Variants in ZMYND8 observed in about 807,000 individuals in gnomAD.
The protein encoded by ZMYND8 is MYND-type zinc finger-containing chromatin reader ZMYND8.
Under a neutral mutation model 140.8 loss-of-function variants are expected in ZMYND8, and 37 were observed. The observed-to-expected ratio is 0.26, with a 90% CI of 0.20 to 0.35. ZMYND8 has a LOEUF of 0.35. ZMYND8 is among the 10% of genes least tolerant of loss of function. ZMYND8 has a pLI of 1.00. For synonymous variants in ZMYND8, 592 were observed against 597.1 expected (o/e 0.99, Z 0.12); for missense variants, 1,068 against 1,570.0 (o/e 0.68, Z 5.40).
intron 2 of ZMYND8, among the ~76,000 whole-genome samples, chr20:47,326,256 C>A (rs865942706): frequency 6.6e-6 from 1 of 152,182 alleles, no homozygotes; most frequent in Non-Finnish European, 1.5e-5. Flanking sequence ...CCACATCCAG[C>A]CCACCAGCTA....
Position 47,229,711 on chromosome 20 carries a change from T to C in ZMYND8, c.2937+15A>G. 1 of 1,609,908 alleles carries C rather than the reference T, an allele frequency of 6.2e-7. No homozygotes were observed. The highest frequency in any genetic ancestry group is 8.5e-7 in the Non-Finnish European group (1 of 1,176,920). On this transcript the variant is annotated intron_variant, in intron 17 of 22. Transcript: ENST00000471951. ...ACACTCTTAGCAAATAAGAAATTCA[T>C]GTGTCATCTCTGACCTCAGCTATTG...
intron 2 of ZMYND8, among the ~76,000 whole-genome samples, chr20:47,310,629 T>A (rs2078849743): frequency 6.7e-6 from 1 of 149,678 alleles, no homozygotes; most frequent in African/African-American, 2.5e-5. Flanking sequence ...CTACTAAGAG[T>A]ACAAAAATTA....
chr20:47,276,582 G>A lies in ZMYND8; in HGVS notation c.1212C>T (p.Pro404=). The change falls in exon 11 of 23, where the codon CCC becomes CCT. Residue 404 remains proline, a synonymous_variant. Transcript: ENST00000471951. ...QYQMLLDPTN[P]SAGTAKIDKQ... ...TGTCTATCTTGGCAGTGCCGGCGCT[G>A]GGGTTGGTGGGATCGAGCAGCATTT... The A allele has an allele frequency of 6.2e-7, 1 of 1,613,942 alleles. No individual in the cohort carries two copies. Among genetic ancestry groups the A allele is most frequent in the Non-Finnish European group, 8.5e-7 (1 of 1,180,026 alleles).
chr20:47,219,397 G>A (rs920503297), intron 21 of ZMYND8, among the ~76,000 whole-genome samples: 7 of 151,414 alleles, frequency 4.6e-5, no homozygotes, highest in Admixed American at 2.6e-4. Context: ...ATGGTGGTGC[G>A]TCCCTGTAGT....
intron 16 of ZMYND8, among the ~76,000 whole-genome samples, chr20:47,230,332 C>A (rs2038291996): frequency 6.6e-6 from 1 of 151,382 alleles, no homozygotes; most frequent in Non-Finnish European, 1.5e-5. Context: ...CACTCTGTTG[C>A]CCAGACTGGA....
At chr20:47,278,189 C>A (rs2076374935) in intron 10 of ZMYND8, among the ~76,000 whole-genome samples, 1 of 152,074 alleles carries the variant, frequency 6.6e-6, no homozygotes, top group Admixed American at 6.6e-5. Flanking sequence ...CGCTACATTA[C>A]CCAGGATGGT....
Position 47,210,667 on chromosome 20 carries a change from A to C in ZMYND8, c.*94T>G. The C allele has an allele frequency of 1.2e-6, 2 of 1,606,590 alleles. No homozygotes were observed. Among genetic ancestry groups the C allele is most frequent in the Non-Finnish European group, 8.5e-7 (1 of 1,174,226 alleles). On this transcript the variant is annotated 3_prime_UTR_variant, in exon 23 of 23. Coordinates refer to ENST00000471951, the MANE Select transcript of ZMYND8 (RefSeq NM_001281775.3). ...GAGGGTTTTGTCATTTTCAAGTCTG[A>C]AAGTGGCTGTTCTCCTGCCTTTGTT...
intron 11 of ZMYND8, among the ~76,000 whole-genome samples, chr20:47,263,186 A>G (rs961308002): frequency 1.3e-5 from 2 of 152,168 alleles, no homozygotes; most frequent in Admixed American, 6.5e-5. Flanking sequence ...GATCCTTCAA[A>G]TCCTGCCCCT....
chr20:47,213,439 G>A (rs2035582130), intron 21 of ZMYND8, among the ~76,000 whole-genome samples: 15 of 152,232 alleles, frequency 9.9e-5, no homozygotes, highest in Admixed American at 9.8e-4. Flanking sequence ...AGTACACTAT[G>A]TGACTCTGCC....
At chr20:47,281,001 T>A (rs1247561925) in intron 10 of ZMYND8, among the ~76,000 whole-genome samples, 1 of 152,200 alleles carries the variant, frequency 6.6e-6, no homozygotes, top group Non-Finnish European at 1.5e-5. Context: ...CACTTGTGTA[T>A]CATCCTTCTT....
intron 18 of ZMYND8, among the ~76,000 whole-genome samples, chr20:47,226,910 T>C (rs1194185984): frequency 6.6e-6 from 1 of 152,104 alleles, no homozygotes; most frequent in Non-Finnish European, 1.5e-5. Context: ...GATCCTCCCA[T>C]CTGGGCCTCC....
chr20:47,347,766 G>C, intron 2 of ZMYND8, 90 bp downstream of exon 2: 1 of 1,305,424 alleles, frequency 7.7e-7, no homozygotes, highest in South Asian at 1.2e-5. Flanking sequence ...TCGGCTCAGA[G>C]AGCCACACAC....
intron 2 of ZMYND8, among the ~76,000 whole-genome samples, chr20:47,313,245 A>G (rs1238310514): frequency 1.3e-5 from 2 of 151,794 alleles, no homozygotes; most frequent in African/African-American, 2.4e-5. Context: ...AAAAAATTTA[A>G]TTATAAAAAT....
chr20:47,332,460 A>G (rs1176148694), intron 2 of ZMYND8, among the ~76,000 whole-genome samples: 1 of 152,100 alleles, frequency 6.6e-6, no homozygotes, highest in Non-Finnish European at 1.5e-5. Flanking sequence ...CTATAATCCC[A>G]GTACGTTGGC....
At chr20:47,317,772 G>A (rs911899835) in intron 2 of ZMYND8, among the ~76,000 whole-genome samples, 3 of 152,130 alleles carry the variant, frequency 2.0e-5, no homozygotes, top group African/African-American at 7.2e-5. Context: ...CAGTGGTGGG[G>A]AATCAGCTTT....
chr20:47,228,017 C>T (rs1337531935), intron 17 of ZMYND8, among the ~76,000 whole-genome samples: 2 of 150,920 alleles, frequency 1.3e-5, no homozygotes, highest in South Asian at 2.1e-4. Flanking sequence ...CATTTGAACC[C>T]GGGAGGCGGA....
intron 7 of ZMYND8, among the ~76,000 whole-genome samples, chr20:47,287,687 C>T (rs569742763): frequency 4.4e-4 from 67 of 152,218 alleles, no homozygotes; most frequent in Non-Finnish European, 8.2e-4. Context: ...GTGGCTAGTG[C>T]TTCAAAACAC....
chr20:47,320,049 G>C (rs2079795377), intron 2 of ZMYND8: 1 of 152,230 alleles, frequency 6.6e-6, no homozygotes, highest in Admixed American at 6.5e-5. Context: ...GCCCCTGCCT[G>C]GCTTGGGTTC....
intron 1 of ZMYND8, chr20:47,349,807 A>C: frequency 6.5e-7 from 1 of 1,532,850 alleles, no homozygotes; most frequent in Non-Finnish European, 8.7e-7. Context: ...ATCCAACTGA[A>C]ATCTACAGTG....
Sources: gnomAD v4.1 joint callset for allele counts (sites outside exome capture counted in the v4.1 genomes callset) on GRCh38, gnomAD v4.1.1 for gene constraint, MANE v1.5 for transcripts, NCBI Gene and HGNC (gene_info 2026-07-23, HGNC 2026-07-21) for gene names.